Variants in DLC1 observed in about 807,000 individuals in gnomAD.
DLC1 encodes the protein rho GTPase-activating protein 7.
DLC1 carries 54 observed loss-of-function variants against 140.3 expected under a neutral mutation model. The ratio of observed to expected loss-of-function variants is 0.38; its 90% CI spans 0.31 to 0.48. DLC1 has a LOEUF of 0.48. Among genes scored for constraint, DLC1 ranks in the 20% least tolerant of loss-of-function variants. DLC1 has a pLI of 0.96. For missense variants in DLC1, 2,536 were observed against 1,907.0 expected (o/e 1.33, Z -6.14); for synonymous variants, 986 against 728.1 (o/e 1.35, Z -5.70).
intron 5 of DLC1, among the ~76,000 whole-genome samples, chr8:13,127,388 G>T (rs1484072695): frequency 6.6e-6 from 1 of 152,174 alleles, no homozygotes; most frequent in Non-Finnish European, 1.5e-5. Flanking sequence ...AAAGGCACTG[G>T]TTTTCCAGGC....
chr8:13,097,740 G>A (rs1818625151), intron 10 of DLC1, among the ~76,000 whole-genome samples: 2 of 152,016 alleles, frequency 1.3e-5, no homozygotes, highest in African/African-American at 4.8e-5. Flanking sequence ...TTGGGAAGGA[G>A]GTGCCTATAC....
At chr8:13,482,226 A>C (rs1800769907) in intron 2 of DLC1, among the ~76,000 whole-genome samples, 1 of 152,208 alleles carries the variant, frequency 6.6e-6, no homozygotes, top group South Asian at 2.1e-4. Flanking sequence ...TATAAATTTG[A>C]AGTAATATCA....
chr8:13,378,024 GATGT>G (rs1836079898), intron 4 of DLC1, among the ~76,000 whole-genome samples: 1 of 150,468 alleles, frequency 6.6e-6, no homozygotes, highest in Admixed American at 6.6e-5. Context: ...AAGTGTTAAT[GATGT>G]TACTATTTTA....
At chr8:13,211,453 G>T (rs930782207) in intron 5 of DLC1, among the ~76,000 whole-genome samples, 1 of 152,132 alleles carries the variant, frequency 6.6e-6, no homozygotes, top group Admixed American at 6.6e-5. Context: ...TTCACTGTCA[G>T]CTCACACTTG....
chr8:13,194,832 AC>A (rs1239067995), intron 5 of DLC1, among the ~76,000 whole-genome samples: 2 of 151,880 alleles, frequency 1.3e-5, no homozygotes, highest in African/African-American at 4.8e-5. Flanking sequence ...ACATAGAGAG[AC>A]CCCCATCTTT....
intron 2 of DLC1, among the ~76,000 whole-genome samples, chr8:13,406,618 C>A (rs1295462755): frequency 6.6e-6 from 1 of 152,076 alleles, no homozygotes; most frequent in Non-Finnish European, 1.5e-5. Flanking sequence ...AATTATTTCT[C>A]ATATGACATG....
At chr8:13,545,800 A>G (rs1803631889) in intron 1 of DLC1, among the ~76,000 whole-genome samples, 1 of 152,178 alleles carries the variant, frequency 6.6e-6, no homozygotes, top group Non-Finnish European at 1.5e-5. Context: ...GTTTAAAGAA[A>G]TCTTAGAATT....
chr8:13,182,532 T>C (rs866459951), intron 5 of DLC1, among the ~76,000 whole-genome samples: 39 of 152,242 alleles, frequency 2.6e-4, no homozygotes, highest in Admixed American at 1.2e-3. Flanking sequence ...TTCAGCTTTC[T>C]ACATATGGCT....
chr8:13,555,133 T>C (rs1277848507), intron 1 of DLC1, among the ~76,000 whole-genome samples: 1 of 152,244 alleles, frequency 6.6e-6, no homozygotes, highest in Non-Finnish European at 1.5e-5. Flanking sequence ...TTTGTTTAAA[T>C]GTAAACTCTT....
chr8:13,135,514 G>C (rs1299959969), intron 5 of DLC1, among the ~76,000 whole-genome samples: 1 of 151,952 alleles, frequency 6.6e-6, no homozygotes, highest in African/African-American at 2.4e-5. Context: ...CGCATCCCGT[G>C]ATTGGATTTG....
intron 4 of DLC1, among the ~76,000 whole-genome samples, chr8:13,329,572 T>C (rs1479952567): frequency 6.6e-6 from 1 of 152,176 alleles, no homozygotes. Context: ...CTAGAAATAT[T>C]GACTTTTTTC....
At chr8:13,557,484 C>A (rs1164031515) in intron 1 of DLC1, among the ~76,000 whole-genome samples, 3 of 152,176 alleles carry the variant, frequency 2.0e-5, no homozygotes, top group African/African-American at 7.2e-5. Context: ...CAAATCTCAT[C>A]TTGAATTGTA....
At chr8:13,593,188 G>T (rs1173351377) in intron 1 of DLC1, among the ~76,000 whole-genome samples, 1 of 152,086 alleles carries the variant, frequency 6.6e-6, no homozygotes, top group African/African-American at 2.4e-5. Context: ...AGGCCAAGAG[G>T]TGTTGTGGAG....
At chr8:13,441,080 C>T (rs117582544) in intron 2 of DLC1, among the ~76,000 whole-genome samples, 1 of 152,126 alleles carries the variant, frequency 6.6e-6, no homozygotes, top group African/African-American at 2.4e-5. Flanking sequence ...ACCAAACTAC[C>T]ACTACGAAGA....
chr8:13,229,281 C>A (rs1251809204), intron 5 of DLC1, among the ~76,000 whole-genome samples: 1 of 152,138 alleles, frequency 6.6e-6, no homozygotes, highest in Non-Finnish European at 1.5e-5. Flanking sequence ...TTGATCCACG[C>A]TACAACATTA....
At chr8:13,346,154 C>T (rs1451182026) in intron 4 of DLC1, among the ~76,000 whole-genome samples, 2 of 152,150 alleles carry the variant, frequency 1.3e-5, no homozygotes, top group Non-Finnish European at 2.9e-5. Flanking sequence ...GAGTTTTGCA[C>T]TTTGGGATTA....
chr8:13,265,860 G>T (rs924052031), intron 5 of DLC1, among the ~76,000 whole-genome samples: 1 of 152,102 alleles, frequency 6.6e-6, no homozygotes, highest in Non-Finnish European at 1.5e-5. Flanking sequence ...CTTCGGGTAT[G>T]CACAGGGTGG....
chr8:13,109,483 G>C, intron 7 of DLC1, among the ~76,000 whole-genome samples: 1 of 152,112 alleles, frequency 6.6e-6, no homozygotes, highest in Non-Finnish European at 1.5e-5. Context: ...CCTGTAGCTG[G>C]GAGGTCAAGG....
chr8:13,219,817 A>G (rs950159218), intron 5 of DLC1, among the ~76,000 whole-genome samples: 1 of 152,218 alleles, frequency 6.6e-6, no homozygotes, highest in African/African-American at 2.4e-5. Flanking sequence ...AGGTATGTCC[A>G]TCCAATGGAT....
Sources: allele counts gnomAD v4.1 joint callset (sites outside exome capture counted in the v4.1 genomes callset), GRCh38; gene constraint gnomAD v4.1.1; transcripts MANE v1.5; gene names NCBI Gene and HGNC (gene_info 2026-07-23, HGNC 2026-07-21).